The following YEATS2 variants were observed in gnomAD, a reference collection of about 807,000 sequenced individuals.
The protein encoded by YEATS2 is YEATS domain containing 2.
A neutral mutation model predicts 163.2 loss-of-function variants in YEATS2; 77 were observed. The ratio of observed to expected loss-of-function variants is 0.47; its 90% CI spans 0.39 to 0.57. YEATS2 has a LOEUF of 0.57. Ranked by LOEUF, YEATS2 falls within the 20% of genes least tolerant of loss-of-function variation. YEATS2 has a pLI of 0.00. For missense variants in YEATS2, 1,549 were observed against 1,729.8 expected (o/e 0.90, Z 1.85); for synonymous variants, 631 against 645.1 (o/e 0.98, Z 0.33).
intron 13 of YEATS2, among the ~76,000 whole-genome samples, chr3:183,759,885 CT>C (rs1721166599): frequency 1.3e-5 from 2 of 152,210 alleles, no homozygotes; most frequent in Non-Finnish European, 2.9e-5. Context: ...TCAGTGTTTC[CT>C]TTTCCATGTG....
chr3:183,743,110 ATTCAC>A (rs1401819742), intron 8 of YEATS2, among the ~76,000 whole-genome samples: 18 of 152,336 alleles, frequency 1.2e-4, no homozygotes, highest in African/African-American at 3.6e-4. Flanking sequence ...TTATTGCAGT[ATTCAC>A]TTCATTGCAG....
intron 19 of YEATS2, among the ~76,000 whole-genome samples, chr3:183,779,910 A>G (rs1325603733): frequency 6.6e-6 from 1 of 150,454 alleles, no homozygotes; most frequent in Non-Finnish European, 1.5e-5. Flanking sequence ...GTTGGTCAGG[A>G]TGGTCTCGAT....
chr3:183,738,865 G>A (rs1244261632), intron 8 of YEATS2, among the ~76,000 whole-genome samples: 2 of 139,754 alleles, frequency 1.4e-5, no homozygotes, highest in South Asian at 5.0e-4. Context: ...ATAAACATAC[G>A]TGTGCATGTG....
Position 183,721,262 on chromosome 3 carries a change from C to A in YEATS2, c.292-629C>A, listed in dbSNP as rs369452971. ...GCTTTGAAAGACTAGCTTCTACCTC[C>A]TTTTTTCTCTCTAGAACCATTAGTT... is the stretch of plus-strand genomic sequence containing the variant. On this transcript the variant is annotated intron_variant, in intron 4 of 30. Transcript: ENST00000305135. Among the ~76,000 whole-genome samples the A allele has an allele frequency of 1.2e-4, 18 of 152,242 alleles. 1 individual carries two copies. The highest frequency in any genetic ancestry group is 5.2e-4 in the Admixed American group (8 of 15,278).
chr3:183,787,616 A>C (rs182321902), intron 20 of YEATS2, among the ~76,000 whole-genome samples: 1 of 152,096 alleles, frequency 6.6e-6, no homozygotes, highest in East Asian at 1.9e-4. Flanking sequence ...ATTTGCAAAA[A>C]TTTTCTTGCA....
chr3:183,733,604 T>C (rs932851579), intron 7 of YEATS2, among the ~76,000 whole-genome samples: 2 of 152,236 alleles, frequency 1.3e-5, no homozygotes, highest in Non-Finnish European at 2.9e-5. Flanking sequence ...GTGTTAGGTA[T>C]CTAAAGTAAT....
At chr3:183,718,984 C>T (rs565403080) in intron 4 of YEATS2, among the ~76,000 whole-genome samples, 7 of 152,250 alleles carry the variant, frequency 4.6e-5, no homozygotes, top group Admixed American at 1.3e-4. Context: ...CATGAGCCAC[C>T]ATGCCTGGCC....
chr3:183,708,334 G>T (rs1469095298), intron 1 of YEATS2, among the ~76,000 whole-genome samples: 1 of 151,652 alleles, frequency 6.6e-6, no homozygotes, highest in Non-Finnish European at 1.5e-5. Flanking sequence ...GCTAATTTTT[G>T]TATTTTTAGT....
At chr3:183,709,215 A>G (rs1714931397) in intron 1 of YEATS2, among the ~76,000 whole-genome samples, 1 of 151,998 alleles carries the variant, frequency 6.6e-6, no homozygotes, top group African/African-American at 2.4e-5. Context: ...AAAAACTCAG[A>G]CTTGGTTATG....
intron 8 of YEATS2, among the ~76,000 whole-genome samples, chr3:183,737,989 C>T (rs1226847075): frequency 6.6e-6 from 1 of 152,030 alleles, no homozygotes; most frequent in Non-Finnish European, 1.5e-5. Context: ...TGAAATATTT[C>T]AAACTTTTTT....
At position 183,761,602 on chromosome 3, in the gene YEATS2, A is replaced by T; in HGVS notation, c.1752A>T (p.Gly584=). The change falls in exon 14 of 31, where the codon GGA becomes GGT. Residue 584 remains glycine, a synonymous_variant. Transcript: ENST00000305135. The stretch of plus-strand genomic sequence containing the variant: ...CCAAACCTATAACAGGAGGACTTGG[A>T]GCTTTCACAAAAGTGAGTATGTATT... The part of the protein sequence containing the change: ...QSPKPITGGL[G]AFTKVIIKQE... 11 of 1,614,040 alleles carry T rather than the reference A, an allele frequency of 6.8e-6. No individual in the cohort carries two copies. The highest frequency in any genetic ancestry group is 9.3e-6 in the Non-Finnish European group (11 of 1,179,898).
intron 20 of YEATS2, among the ~76,000 whole-genome samples, chr3:183,788,010 A>G (rs1003170720): frequency 2.6e-5 from 4 of 152,178 alleles, no homozygotes; most frequent in Non-Finnish European, 5.9e-5. Context: ...CTCAAAAAAT[A>G]TATATAAATA....
intron 5 of YEATS2, 90 bp from the exon 6 acceptor site, chr3:183,724,329 A>T: frequency 2.1e-6 from 2 of 942,988 alleles, no homozygotes; most frequent in African/African-American, 1.7e-5. Context: ...AAACTTAGTT[A>T]TTCCATTTAT....
At chr3:183,809,204 T>C (rs1184523441) in intron 30 of YEATS2, 34 bp downstream of exon 30, 1 of 1,602,478 alleles carries the variant, frequency 6.2e-7, no homozygotes, top group African/African-American at 1.3e-5. Context: ...GGTGTGAGGC[T>C]TACACCTCTT....
At position 183,786,202 on chromosome 3, in the gene YEATS2, C is replaced by T. The variant is rs748466946; in HGVS notation, c.2814C>T (p.Leu938=). 2.5e-6 allele frequency: 4 copies of T among 1,614,066 alleles called. No homozygotes were observed. The highest frequency in any genetic ancestry group is 2.5e-6 in the Non-Finnish European group (3 of 1,180,046). Residue 938 remains leucine (L), a synonymous_variant, in exon 20 of 31, where the codon CTC becomes CTT. Coordinates refer to ENST00000305135, the MANE Select transcript of YEATS2 (RefSeq NM_018023.5). ...AGACTGTGCCAGCCACCTCACAGCT[C>T]TCGAAGCCTGGAACCACAATGCTGA... The part of the protein sequence containing the change: ...TLKTVPATSQ[L]SKPGTTMLRV...
intron 1 of YEATS2, among the ~76,000 whole-genome samples, chr3:183,708,068 A>G (rs116004428): frequency 2.4e-3 from 365 of 152,150 alleles, no homozygotes; most frequent in Admixed American, 4.6e-3. Flanking sequence ...AGGCACATAG[A>G]ATTATTGAGA....
At chr3:183,720,115 C>G (rs1017250532) in intron 4 of YEATS2, among the ~76,000 whole-genome samples, 7 of 152,220 alleles carry the variant, frequency 4.6e-5, no homozygotes, top group Admixed American at 1.3e-4. Context: ...ACTTGATATT[C>G]TAGCATATCA....
Position 183,773,750 on chromosome 3 carries a change from T to C in YEATS2, c.2324T>C (p.Leu775Pro). Residue 775 changes from leucine (L) to proline (P), a missense_variant, in exon 17 of 31, where the codon CTG becomes CCG. Coordinates refer to ENST00000305135, the MANE Select transcript of YEATS2 (RefSeq NM_018023.5). ...AACCCTTCAGGAAAAGGAAAACTGC[T>C]GCTGATCCCTCAAGGAGCCATCCTG... Reference protein sequence around the residue: ...SKNPSGKGKLLLIPQGAILRA... With the variant: ...SKNPSGKGKLPLIPQGAILRA... 6.2e-7 allele frequency: 1 copy of C among 1,613,484 alleles called. No homozygotes were observed. Among genetic ancestry groups the C allele is most frequent in the Non-Finnish European group, 8.5e-7 (1 of 1,179,816 alleles).
chr3:183,757,072 T>C (rs1053375709), intron 12 of YEATS2, among the ~76,000 whole-genome samples: 3 of 152,050 alleles, frequency 2.0e-5, no homozygotes, highest in Admixed American at 6.6e-5. Flanking sequence ...CCCAGTCAAA[T>C]AAAAAATGAT....
Sources: allele counts gnomAD v4.1 joint callset (sites outside exome capture counted in the v4.1 genomes callset), GRCh38; gene constraint gnomAD v4.1.1; transcripts MANE v1.5; gene names NCBI Gene and HGNC (gene_info 2026-07-23, HGNC 2026-07-21).